Variants in MAF observed in about 807,000 individuals in gnomAD.
MAF encodes transcription factor Maf.
In MAF, 10 loss-of-function variants were observed where a neutral mutation model predicts 22.0. The ratio of observed to expected loss-of-function variants is 0.45; its 90% CI spans 0.28 to 0.77. MAF has a LOEUF of 0.77. MAF is among the 30% of genes least tolerant of loss of function. MAF has a pLI of 0.12. For missense variants in MAF, 544 were observed against 548.4 expected (o/e 0.99, Z 0.08); for synonymous variants, 337 against 255.8 (o/e 1.32, Z -3.03).
the MAF span, among the ~76,000 whole-genome samples, chr16:79,217,095 C>G: frequency 6.6e-6 from 1 of 152,216 alleles, no homozygotes; most frequent in East Asian, 1.9e-4. Flanking sequence ...CAGGCATGAG[C>G]CATCGCACCC....
At chr16:79,445,779 G>C in the MAF span, among the ~76,000 whole-genome samples, 1 of 152,182 alleles carries the variant, frequency 6.6e-6, no homozygotes, top group Non-Finnish European at 1.5e-5. Context: ...CCAATTCCCG[G>C]AGGCCCTTTT....
chr16:79,377,672 A>C, the MAF span, among the ~76,000 whole-genome samples: 9 of 152,184 alleles, frequency 5.9e-5, no homozygotes, highest in Non-Finnish European at 1.2e-4. Flanking sequence ...TCTAACATGT[A>C]AGTCTTTAAT....
chr16:79,315,748 A>G, the MAF span, among the ~76,000 whole-genome samples: 1 of 152,236 alleles, frequency 6.6e-6, no homozygotes, highest in Non-Finnish European at 1.5e-5. Flanking sequence ...GTAAAAAGTT[A>G]TTGAGAGCAG....
the MAF span, among the ~76,000 whole-genome samples, chr16:79,380,668 C>A: frequency 6.6e-6 from 1 of 152,216 alleles, no homozygotes; most frequent in African/African-American, 2.4e-5. Flanking sequence ...TGACGATGAT[C>A]AGTAGTACCA....
chr16:79,251,510 T>G, the MAF span, among the ~76,000 whole-genome samples: 1 of 152,120 alleles, frequency 6.6e-6, no homozygotes, highest in Admixed American at 6.5e-5. Flanking sequence ...AGAGACGGGA[T>G]TTCACCATGT....
the MAF span, among the ~76,000 whole-genome samples, chr16:79,439,275 T>TTTTC: frequency 6.7e-6 from 1 of 149,486 alleles, no homozygotes; most frequent in African/African-American, 2.5e-5. Context: ...TTTTTTTTTT[T>TTTTC]TTTTGAGACG....
the MAF span, among the ~76,000 whole-genome samples, chr16:79,361,718 TG>T: frequency 0.44 from 66,690 of 151,784 alleles, 16,179 homozygotes; most frequent in Non-Finnish European, 0.57. Flanking sequence ...ACAGATTTGG[TG>T]GTCTTTCATC....
chr16:79,394,240 G>A, the MAF span, among the ~76,000 whole-genome samples: 1 of 152,176 alleles, frequency 6.6e-6, no homozygotes, highest in Non-Finnish European at 1.5e-5. Flanking sequence ...TCAGTCTGGG[G>A]CAGAAAACAG....
chr16:79,209,164 G>T, the MAF span, among the ~76,000 whole-genome samples: 1 of 152,192 alleles, frequency 6.6e-6, no homozygotes, highest in African/African-American at 2.4e-5. Flanking sequence ...AAAAGGTATG[G>T]CTCTCAGCAT....
At chr16:79,400,046 C>A in the MAF span, among the ~76,000 whole-genome samples, 1 of 152,222 alleles carries the variant, frequency 6.6e-6, no homozygotes, top group Admixed American at 6.5e-5. Flanking sequence ...AGGTCTAGAG[C>A]AGTCTATTTT....
intron 1 of MAF, chr16:79,597,915 TTTTTAATGGCAGACTAAAC>T: frequency 9.6e-7 from 1 of 1,039,256 alleles, no homozygotes; most frequent in South Asian, 4.6e-5. Flanking sequence ...AGAATGAGTT[TTTTTAATGGCAGACTAAAC>T]TCTCAGATTT....
the MAF span, among the ~76,000 whole-genome samples, chr16:79,220,464 C>T: frequency 1.3e-5 from 2 of 151,864 alleles, no homozygotes. Flanking sequence ...TCCATATACA[C>T]CTTGATATAT....
the MAF span, among the ~76,000 whole-genome samples, chr16:79,364,500 C>A: frequency 4.6e-5 from 7 of 152,096 alleles, no homozygotes; most frequent in African/African-American, 1.4e-4. Context: ...GGTCCCAGAA[C>A]GGGGATGAAG....
At chr16:79,384,273 A>G in the MAF span, among the ~76,000 whole-genome samples, 1 of 151,758 alleles carries the variant, frequency 6.6e-6, no homozygotes, top group South Asian at 2.1e-4. Context: ...GTGAAACCCC[A>G]TCTATACTAA....
chr16:79,300,506 G>T, the MAF span, among the ~76,000 whole-genome samples: 17 of 152,116 alleles, frequency 1.1e-4, no homozygotes, highest in Non-Finnish European at 2.2e-4. Flanking sequence ...AGTGAGTGGA[G>T]ATCCGGCCAC....
the MAF span, among the ~76,000 whole-genome samples, chr16:79,218,839 G>A: frequency 6.6e-6 from 1 of 151,976 alleles, no homozygotes; most frequent in African/African-American, 2.4e-5. Context: ...CCAGTGAAGA[G>A]CCTACCTTTT....
the MAF span, among the ~76,000 whole-genome samples, chr16:79,297,838 A>G: frequency 6.6e-6 from 1 of 152,138 alleles, no homozygotes; most frequent in Admixed American, 6.5e-5. Context: ...CTTTCCATCT[A>G]TAGGGTTGTT....
At chr16:79,464,048 G>C in the MAF span, among the ~76,000 whole-genome samples, 1 of 152,100 alleles carries the variant, frequency 6.6e-6, no homozygotes, top group Non-Finnish European at 1.5e-5. Flanking sequence ...GGGATCGGGA[G>C]CAGATGATGC....
the MAF span, among the ~76,000 whole-genome samples, chr16:79,376,730 A>T: frequency 1.3e-5 from 2 of 151,752 alleles, no homozygotes; most frequent in African/African-American, 4.8e-5. Context: ...TCCTGTGTCC[A>T]TGTGTTATTG....
Sources: allele counts gnomAD v4.1 joint callset (sites outside exome capture counted in the v4.1 genomes callset), GRCh38; gene constraint gnomAD v4.1.1; transcripts MANE v1.5; gene names NCBI Gene and HGNC (gene_info 2026-07-23, HGNC 2026-07-21).